The following NDUFA10 variants were observed in gnomAD, a reference collection of about 807,000 sequenced individuals.
NDUFA10 encodes NADH:ubiquinone oxidoreductase subunit A10.
NDUFA10 carries 40 observed loss-of-function variants against 47.8 expected under a neutral mutation model. That is an observed-to-expected ratio of 0.84 (90% CI 0.65 to 1.09). The LOEUF (loss-of-function observed/expected upper bound fraction) is 1.09. Ranked by LOEUF, NDUFA10 falls within the 50% of genes least tolerant of loss-of-function variation. The pLI is 0.00. For synonymous variants in NDUFA10, 183 were observed against 172.2 expected (o/e 1.06, Z -0.49); for missense variants, 413 against 451.1 (o/e 0.92, Z 0.76).
intron 4 of NDUFA10, among the ~76,000 whole-genome samples, chr2:239,915,096 C>T (rs1345924844): frequency 7.0e-6 from 1 of 143,860 alleles, no homozygotes; most frequent in Admixed American, 6.8e-5. Context: ...GACAGAGATA[C>T]ACAAACATAC....
chr2:239,985,128 A>G (rs964147907), intron 9 of NDUFA10, among the ~76,000 whole-genome samples: 1 of 152,102 alleles, frequency 6.6e-6, no homozygotes, highest in Non-Finnish European at 1.5e-5. Flanking sequence ...GAAAACAACA[A>G]AACACCAATG....
chr2:239,959,161 C>T lies in NDUFA10; in HGVS notation c.*1957G>A, dbSNP rs4854069. On this transcript the variant is annotated 3_prime_UTR_variant, in exon 10 of 10. Transcript: ENST00000252711. ...AGCACTACAAATTACATACTTCCCA[C>T]TCCATCAAGGGAATGCAACCACACA... is the stretch of plus-strand genomic sequence containing the variant. 541,578 of 985,162 alleles carry T rather than the reference C, an allele frequency of 0.55. 149,508 individuals carry two copies. Among genetic ancestry groups the T allele is most frequent in the African/African-American group, 0.56 (32,223 of 57,266 alleles). 61.0% of individuals were successfully genotyped at this position (985,162 alleles called of 1,614,324 possible).
At chr2:239,896,233 A>G (rs1024811311) in intron 4 of NDUFA10, among the ~76,000 whole-genome samples, 2 of 152,218 alleles carry the variant, frequency 1.3e-5, no homozygotes, top group Non-Finnish European at 2.9e-5. Context: ...AGACGTGCAT[A>G]TCATGCAAAT....
intron 1 of NDUFA10, among the ~76,000 whole-genome samples, chr2:240,024,577 A>G (rs1246940314): frequency 6.6e-6 from 1 of 152,220 alleles, no homozygotes; most frequent in East Asian, 1.9e-4. Context: ...ATAGAACCTT[A>G]TAGCACAAAG....
intron 4 of NDUFA10, among the ~76,000 whole-genome samples, chr2:239,936,125 G>A (rs1694262709): frequency 6.6e-6 from 1 of 152,226 alleles, no homozygotes; most frequent in African/African-American, 2.4e-5. Flanking sequence ...CTGTTCAAGA[G>A]CACTCATGAG....
At chr2:239,917,205 TA>T (rs1693894427) in intron 4 of NDUFA10, among the ~76,000 whole-genome samples, 1 of 151,794 alleles carries the variant, frequency 6.6e-6, no homozygotes, top group Admixed American at 6.6e-5. Flanking sequence ...AAAATAAAAT[TA>T]AAAAGAGAAA....
chr2:239,993,090 G>C (rs376214975), intron 8 of NDUFA10, among the ~76,000 whole-genome samples: 1 of 152,298 alleles, frequency 6.6e-6, no homozygotes, highest in East Asian at 1.9e-4. Flanking sequence ...TAGTGAGCTA[G>C]ATTAAAACAA....
At chr2:239,901,738 TCTAGATGCCAGTAAGAA>T (rs1325786112) in intron 4 of NDUFA10, among the ~76,000 whole-genome samples, 1 of 151,488 alleles carries the variant, frequency 6.6e-6, no homozygotes, top group Admixed American at 6.6e-5. Flanking sequence ...GCTTCGTCAT[TCTAGATGCCAGTAAGAA>T]CATTTTTGAT....
At chr2:239,918,733 A>G (rs1305799910) in intron 4 of NDUFA10, among the ~76,000 whole-genome samples, 2 of 152,140 alleles carry the variant, frequency 1.3e-5, no homozygotes, top group Non-Finnish European at 2.9e-5. Flanking sequence ...CAGAACAAAG[A>G]TGGAAATCCA....
intron 4 of NDUFA10, among the ~76,000 whole-genome samples, chr2:239,924,467 T>C (rs146168428): frequency 6.6e-6 from 1 of 152,202 alleles, no homozygotes; most frequent in East Asian, 1.9e-4. Context: ...CAATTGATGA[T>C]GCAGAAAATG....
chr2:239,993,935 G>T (rs1696360139), intron 8 of NDUFA10, among the ~76,000 whole-genome samples: 4 of 152,132 alleles, frequency 2.6e-5, no homozygotes, highest in African/African-American at 2.4e-5. Context: ...GGACCACACA[G>T]AGGATGCAGA....
chr2:239,942,257 C>A (rs756642586), intron 4 of NDUFA10, among the ~76,000 whole-genome samples: 2 of 152,240 alleles, frequency 1.3e-5, no homozygotes, highest in Admixed American at 6.5e-5. Flanking sequence ...CGGTAGTGTG[C>A]GCTGCAATCA....
downstream of NDUFA10, among the ~76,000 whole-genome samples, chr2:239,952,775 A>G (rs1170795770): frequency 7.9e-5 from 12 of 152,202 alleles, no homozygotes; most frequent in Admixed American, 6.5e-4. Context: ...GGAGGGGTGC[A>G]GCCAGCCCAC....
intron 4 of NDUFA10, among the ~76,000 whole-genome samples, chr2:239,905,565 C>T (rs1382512852): frequency 2.6e-5 from 4 of 152,196 alleles, no homozygotes; most frequent in Admixed American, 6.5e-5. Context: ...ATGTTCTTCA[C>T]GGGATGCTGC....
Position 239,958,784 on chromosome 2 carries a change from G to T in NDUFA10, c.*2334C>A. The T allele has an allele frequency of 3.2e-6, 1 of 307,984 alleles. No individual in the cohort carries two copies. Among genetic ancestry groups the T allele is most frequent in the Non-Finnish European group, 4.7e-6 (1 of 210,610 alleles). 19.1% of individuals were successfully genotyped at this position (307,984 alleles called of 1,614,324 possible). A position where few individuals can be genotyped will look rare whatever the true frequency, so the allele number is the denominator to read the frequency against. On this transcript the variant is annotated 3_prime_UTR_variant, in exon 10 of 10. Coordinates refer to ENST00000252711, the MANE Select transcript of NDUFA10 (RefSeq NM_004544.4). ...AAACAAGGACTTTCTTTTCAATACA[G>T]AATTCTCATGCCTGTAAACACATGC...
chr2:240,016,364 G>C lies in NDUFA10; in HGVS notation c.548-1504C>G, dbSNP rs1697347784. ...GGTGAAACCTCCCTTCACCGAGTCTGCTCTCACCCTGCTTCCCACCCTCAC... is the reference window on the plus strand; with the variant it reads ...GGTGAAACCTCCCTTCACCGAGTCTCCTCTCACCCTGCTTCCCACCCTCAC... On this transcript the variant is annotated intron_variant, in intron 4 of 9. Transcript: ENST00000252711. This position sits in a 1 kb window ranked among gnomAD's most constrained non-coding sequence, Gnocchi z 4.4. Among the ~76,000 whole-genome samples, 1 of 152,272 alleles carries C rather than the reference G, an allele frequency of 6.6e-6. No individual in the cohort carries two copies. Among genetic ancestry groups the C allele is most frequent in the African/African-American group, 2.4e-5 (1 of 41,548 alleles).
chr2:239,900,590 C>A (rs1342948438), intron 4 of NDUFA10, among the ~76,000 whole-genome samples: 9 of 112,424 alleles, frequency 8.0e-5, no homozygotes, highest in Admixed American at 4.4e-4. Flanking sequence ...AAAAAAAAAA[C>A]CCATGTGTGT....
chr2:239,902,889 C>T (rs370254536), intron 4 of NDUFA10, among the ~76,000 whole-genome samples: 54 of 152,158 alleles, frequency 3.5e-4, no homozygotes, highest in African/African-American at 8.9e-4. Context: ...CCTGCTCCCC[C>T]GAATGCAGAT....
intron 4 of NDUFA10, among the ~76,000 whole-genome samples, chr2:239,921,455 C>T (rs1693981383): frequency 6.6e-6 from 1 of 152,148 alleles, no homozygotes; most frequent in Non-Finnish European, 1.5e-5. Context: ...CCATTTCTGT[C>T]CTATCAGAGT....
Sources: allele counts gnomAD v4.1 joint callset (sites outside exome capture counted in the v4.1 genomes callset), GRCh38; gene constraint gnomAD v4.1.1; non-coding constraint Gnocchi (gnomAD v3.1); transcripts MANE v1.5; gene names NCBI Gene and HGNC (gene_info 2026-07-23, HGNC 2026-07-21).